SLC67A1: variants seen among roughly 807,000 people sequenced by gnomAD.
SLC67A1 encodes the protein solute carrier family 67 member A1.
the SLC67A1 span, chr11:2,908,404 G>A: frequency 9.3e-6 from 11 of 1,176,772 alleles, no homozygotes; most frequent in Middle Eastern, 4.4e-4. Context: ...GGGCTCAGAC[G>A]GGCCAGGTTC....
chr11:2,914,864 CAG>C, the SLC67A1 span: 1 of 985,452 alleles, frequency 1.0e-6, no homozygotes, highest in African/African-American at 1.7e-5. Flanking sequence ...GGGCTGGCCA[CAG>C]GGGCCAGTTG....
chr11:2,912,662 C>T, the SLC67A1 span, among the ~76,000 whole-genome samples: 1 of 152,192 alleles, frequency 6.6e-6, no homozygotes, highest in Non-Finnish European at 1.5e-5. Flanking sequence ...CTGGTTTGGG[C>T]CCAGCCTCCA....
At chr11:2,923,418 A>C in the SLC67A1 span, among the ~76,000 whole-genome samples, 3,156 of 78,376 alleles carry the variant, frequency 0.04, 81 homozygotes, top group Non-Finnish European at 0.054. The surrounding 1 kb of genome is among the most constrained non-coding windows in gnomAD (Gnocchi z 6.5). Context: ...CACACATCTG[A>C]CACTCCATCC....
chr11:2,900,881 T>G, the SLC67A1 span, among the ~76,000 whole-genome samples: 1 of 152,134 alleles, frequency 6.6e-6, no homozygotes, highest in African/African-American at 2.4e-5. Flanking sequence ...TGAGCAGCAT[T>G]CCTTCCTTCT....
the SLC67A1 span, chr11:2,902,653 T>C: frequency 5.1e-6 from 5 of 984,134 alleles, no homozygotes; most frequent in Non-Finnish European, 6.0e-6. Flanking sequence ...AGCCGCAAAA[T>C]CCAGTTCCCA....
the SLC67A1 span, among the ~76,000 whole-genome samples, chr11:2,913,258 G>A: frequency 4.6e-5 from 7 of 152,276 alleles, no homozygotes; most frequent in South Asian, 2.1e-4. Context: ...AGGACACTCC[G>A]GTTCTTTCTG....
chr11:2,918,220 G>A, the SLC67A1 span: 3 of 705,542 alleles, frequency 4.3e-6, no homozygotes, highest in South Asian at 1.9e-5. Context: ...GCAGGCAGGA[G>A]CGGGAGGAAG....
the SLC67A1 span, among the ~76,000 whole-genome samples, chr11:2,900,645 A>G: frequency 7.1e-6 from 1 of 141,836 alleles, no homozygotes; most frequent in Non-Finnish European, 1.5e-5. Flanking sequence ...GCGAGCCGAG[A>G]TCGCGCCACT....
chr11:2,913,593 A>G, the SLC67A1 span, among the ~76,000 whole-genome samples: 2 of 152,158 alleles, frequency 1.3e-5, no homozygotes, highest in Non-Finnish European at 2.9e-5. Context: ...ATTTTCAAAC[A>G]TGGTTCTAAC....
chr11:2,903,066 C>T, the SLC67A1 span: 1 of 547,950 alleles, frequency 1.8e-6, no homozygotes, highest in African/African-American at 1.9e-5. Flanking sequence ...GCAGCTTGTC[C>T]CTGTCTCCCC....
chr11:2,911,452 G>A, the SLC67A1 span, among the ~76,000 whole-genome samples: 3 of 152,052 alleles, frequency 2.0e-5, no homozygotes, highest in Admixed American at 6.5e-5. Context: ...TGTGAGGTGT[G>A]GGGAGCCGGC....
chr11:2,909,066 G>A, the SLC67A1 span: 9 of 832,942 alleles, frequency 1.1e-5, no homozygotes, highest in Non-Finnish European at 1.1e-5. Context: ...CAGCCGCCCA[G>A]GCGCCCCCGC....
At chr11:2,909,212 G>A in the SLC67A1 span, 16 of 1,537,512 alleles carry the variant, frequency 1.0e-5, no homozygotes, top group Non-Finnish European at 1.4e-5. Flanking sequence ...AGACCAGCGC[G>A]GGGCGCGGGC....
At chr11:2,912,084 G>A in the SLC67A1 span, among the ~76,000 whole-genome samples, 1,440 of 152,284 alleles carry the variant, frequency 9.5e-3, 19 homozygotes, top group African/African-American at 0.032. Flanking sequence ...CCCAGTCCCC[G>A]TCCAAGGCCC....
At chr11:2,923,237 C>T in the SLC67A1 span, among the ~76,000 whole-genome samples, 2 of 152,184 alleles carry the variant, frequency 1.3e-5, no homozygotes, top group African/African-American at 4.8e-5. This position sits in a 1 kb window ranked among gnomAD's most constrained non-coding sequence, Gnocchi z 6.5. Context: ...CTTTGGAGTA[C>T]TGGAGATTCT....
At chr11:2,904,467 A>G in the SLC67A1 span, among the ~76,000 whole-genome samples, 2 of 152,232 alleles carry the variant, frequency 1.3e-5, no homozygotes, top group Non-Finnish European at 2.9e-5. Flanking sequence ...ACCCGTGGGG[A>G]AGGCTGGGCA....
chr11:2,903,732 C>A, the SLC67A1 span: 1 of 567,274 alleles, frequency 1.8e-6, no homozygotes, highest in Admixed American at 3.1e-5. Flanking sequence ...GGAGCCACCC[C>A]ACTTCCCTCC....
At chr11:2,903,787 C>G in the SLC67A1 span, 1 of 423,250 alleles carries the variant, frequency 2.4e-6, no homozygotes, top group Non-Finnish European at 4.4e-6. Flanking sequence ...GTTCCTCCTG[C>G]CTCTCACCCG....
At chr11:2,925,021 G>A in the SLC67A1 span, 1 of 1,611,232 alleles carries the variant, frequency 6.2e-7, no homozygotes, top group African/African-American at 1.3e-5. This position sits in a 1 kb window ranked among gnomAD's most constrained non-coding sequence, Gnocchi z 6.5. Context: ...GACCATGCTG[G>A]GCCTCTGCGC....
Sources: allele counts gnomAD v4.1 joint callset (sites outside exome capture counted in the v4.1 genomes callset), GRCh38; gene constraint gnomAD v4.1.1; non-coding constraint Gnocchi (gnomAD v3.1); transcripts MANE v1.5; gene names NCBI Gene and HGNC (gene_info 2026-07-23, HGNC 2026-07-21).